Variants in FAM193A observed in about 807,000 individuals in gnomAD.
FAM193A encodes the protein protein FAM193A.
FAM193A carries 22 observed loss-of-function variants against 126.5 expected under a neutral mutation model. That is an observed-to-expected ratio of 0.17 (90% CI 0.12 to 0.25). The LOEUF (loss-of-function observed/expected upper bound fraction) is 0.25. Ranked by LOEUF, FAM193A falls within the 10% of genes least tolerant of loss-of-function variation. FAM193A has a pLI of 1.00. For missense variants in FAM193A, 1,675 were observed against 1,672.8 expected (o/e 1.00, Z -0.02); for synonymous variants, 761 against 646.8 (o/e 1.18, Z -2.68).
chr4:2,632,076 C>T lies in FAM193A; in HGVS notation c.1038+907C>T, dbSNP rs115313557. Among the ~76,000 whole-genome samples, 1,114 of 152,208 alleles carry T rather than the reference C, an allele frequency of 7.3e-3. 19 individuals carry two copies. The highest frequency in any genetic ancestry group is 0.026 in the African/African-American group (1,064 of 41,520). On this transcript the variant is annotated intron_variant, in intron 5 of 20. Transcript: ENST00000637812. ...GAAGTCTAAGTTTGAGGGGCCACAT[C>T]TGGTGAGAGCTTTCTTGCAGGTGGG...
At chr4:2,649,130 T>G (rs943648508) in intron 7 of FAM193A, among the ~76,000 whole-genome samples, 2 of 152,186 alleles carry the variant, frequency 1.3e-5, no homozygotes, top group Admixed American at 6.5e-5. Context: ...TTTCAGCACT[T>G]TGGGAGGCTA....
intron 1 of FAM193A, among the ~76,000 whole-genome samples, chr4:2,556,027 G>T (rs910875479): frequency 3.3e-5 from 5 of 151,776 alleles, no homozygotes; most frequent in African/African-American, 9.7e-5. Context: ...CTCCCGAGTA[G>T]CTGGGATTAC....
intron 1 of FAM193A, among the ~76,000 whole-genome samples, chr4:2,545,939 G>A (rs1480008168): frequency 1.3e-5 from 2 of 152,132 alleles, no homozygotes; most frequent in African/African-American, 4.8e-5. Context: ...TATGAGGTCA[G>A]GAGTTTGAGA....
rs1031912325 is a variant in FAM193A at position 2,596,287 on chromosome 4, C to A, written c.459C>A (p.Thr153=). 8 of 702,928 alleles carry A rather than the reference C, an allele frequency of 1.1e-5. No individual in the cohort carries two copies. The highest frequency in any genetic ancestry group is 4.0e-5 in the Admixed American group (2 of 50,014). The allele number at this position is 702,928 out of a possible 1,614,324, so 43.5% of individuals were successfully genotyped here. A position where few individuals can be genotyped will look rare whatever the true frequency, so the allele number is the denominator to read the frequency against. The change falls in exon 2 of 21, where the codon ACC becomes ACA. Residue 153 remains threonine (T), a synonymous_variant. Coordinates refer to ENST00000637812, the MANE Select transcript of FAM193A (RefSeq NM_001366318.2). The part of the protein sequence containing the change: ...PLWVCPDCRR[T]VEKEERHGGL... ...GGGTGTGCCCGGACTGCCGCAGGACCGTGGAGAAGGAGGAGAGGCATGGCG... is the reference window on the plus strand; with the variant it reads ...GGGTGTGCCCGGACTGCCGCAGGACAGTGGAGAAGGAGGAGAGGCATGGCG...
chr4:2,644,881 C>T (rs773855660), intron 6 of FAM193A, among the ~76,000 whole-genome samples: 6 of 152,066 alleles, frequency 3.9e-5, no homozygotes, highest in African/African-American at 1.4e-4. Flanking sequence ...TATAGAAAAT[C>T]GTAAACAAAG....
chr4:2,594,379 G>C (rs940633403), intron 1 of FAM193A, among the ~76,000 whole-genome samples: 3 of 152,202 alleles, frequency 2.0e-5, no homozygotes. Context: ...TGTGGGAAGA[G>C]CTACAGGTCT....
intron 16 of FAM193A, among the ~76,000 whole-genome samples, chr4:2,694,308 C>T (rs1041361459): frequency 2.0e-5 from 3 of 152,034 alleles, no homozygotes; most frequent in East Asian, 1.9e-4. Flanking sequence ...CTCACTCTGT[C>T]GCCCAGGCTG....
intron 1 of FAM193A, among the ~76,000 whole-genome samples, chr4:2,545,477 T>C (rs1426076578): frequency 6.6e-6 from 1 of 152,144 alleles, no homozygotes; most frequent in East Asian, 1.9e-4. Context: ...TTGGATTGTT[T>C]TATGGCTGCT....
intron 20 of FAM193A, among the ~76,000 whole-genome samples, chr4:2,727,265 A>G (rs1720865401): frequency 6.6e-6 from 1 of 152,212 alleles, no homozygotes; most frequent in Admixed American, 6.5e-5. Context: ...CAAAAAAAAA[A>G]AAATTGTGAC....
Position 2,631,133 on chromosome 4 carries a change from G to C in FAM193A, c.1002G>C (p.Gln334His). 1 of 1,613,120 alleles carries C rather than the reference G, an allele frequency of 6.2e-7. No individual in the cohort carries two copies. Among genetic ancestry groups the C allele is most frequent in the Middle Eastern group, 1.7e-4 (1 of 6,060 alleles). Residue 334 changes from glutamine to histidine, a missense_variant, in exon 5 of 21, where the codon CAG (glutamine) becomes CAC (histidine). By Grantham distance (24) the Gln-to-His change is conservative (BLOSUM62 0). This residue lies in a region of FAM193A where 1,186 missense variants were observed against 1,109.2 expected (regional missense o/e 1.07). Coordinates refer to ENST00000637812, the MANE Select transcript of FAM193A (RefSeq NM_001366318.2). ...TTGAGGAGTACGGCGCCCTCTGCCA[G>C]GCCGCACGCTCCATCAGCACCTTCC... ...LLLEEYGALC[Q>H]AARSISTFLG...
intron 1 of FAM193A, among the ~76,000 whole-genome samples, chr4:2,594,846 T>TG (rs1740770789): frequency 7.0e-6 from 1 of 143,664 alleles, no homozygotes; most frequent in Non-Finnish European, 1.5e-5. Flanking sequence ...TTTTTTTTTT[T>TG]GAGACTTAGT....
intron 1 of FAM193A, among the ~76,000 whole-genome samples, chr4:2,554,972 T>C (rs1738167512): frequency 6.6e-6 from 1 of 152,212 alleles, no homozygotes; most frequent in South Asian, 2.1e-4. Context: ...TTGAAATGAA[T>C]TTCCTGTAGA....
At chr4:2,562,200 C>T (rs748234326) in intron 1 of FAM193A, among the ~76,000 whole-genome samples, 3 of 152,046 alleles carry the variant, frequency 2.0e-5, no homozygotes, top group Non-Finnish European at 2.9e-5. Context: ...ATAATCGCAG[C>T]ACTTTGGGAG....
intron 1 of FAM193A, among the ~76,000 whole-genome samples, chr4:2,549,382 G>GTTTTCTTT (rs1162428180): frequency 6.9e-6 from 1 of 144,318 alleles, no homozygotes; most frequent in African/African-American, 2.6e-5. Flanking sequence ...TTCCCTCTAT[G>GTTTTCTTT]TTTTCTTTTT....
chr4:2,719,930 A>G (rs1719940493), intron 20 of FAM193A: 3 of 281,010 alleles, frequency 1.1e-5, no homozygotes, highest in East Asian at 1.5e-4. Flanking sequence ...AGCCGGGACT[A>G]CAGGCACATG....
At chr4:2,637,642 A>C (rs1311316328) in intron 5 of FAM193A, among the ~76,000 whole-genome samples, 4 of 152,234 alleles carry the variant, frequency 2.6e-5, no homozygotes, top group African/African-American at 7.2e-5. Flanking sequence ...CTAGCTCAGC[A>C]GTTCTTCCAT....
intron 19 of FAM193A, chr4:2,715,576 A>G: frequency 2.1e-6 from 2 of 939,946 alleles, no homozygotes; most frequent in Non-Finnish European, 2.6e-6. Context: ...TTCGAGGGAC[A>G]GCCCTTTCCT....
intron 19 of FAM193A, among the ~76,000 whole-genome samples, chr4:2,712,175 TA>T (rs980023755): frequency 2.0e-5 from 3 of 152,166 alleles, no homozygotes; most frequent in Non-Finnish European, 4.4e-5. Flanking sequence ...TGGGTCTTGG[TA>T]TAGAGTTCAC....
chr4:2,552,930 C>T (rs1188927224), intron 1 of FAM193A, among the ~76,000 whole-genome samples: 1 of 150,682 alleles, frequency 6.6e-6, no homozygotes, highest in Non-Finnish European at 1.5e-5. Flanking sequence ...TCACTGCAAC[C>T]TCTGCCTCCC....
Sources: allele counts gnomAD v4.1 joint callset (sites outside exome capture counted in the v4.1 genomes callset), GRCh38; gene constraint gnomAD v4.1.1; regional missense constraint gnomAD v4.1.1; transcripts MANE v1.5; gene names NCBI Gene and HGNC (gene_info 2026-07-23, HGNC 2026-07-21).